Variants in WDR25 observed in about 807,000 individuals in gnomAD.
WDR25 encodes WD repeat-containing protein 25.
Under a neutral mutation model 47.7 loss-of-function variants are expected in WDR25, and 35 were observed. The ratio of observed to expected loss-of-function variants is 0.73; its 90% CI spans 0.56 to 0.97. The LOEUF (loss-of-function observed/expected upper bound fraction) is 0.97. Among genes scored for constraint, WDR25 ranks in the 50% least tolerant of loss-of-function variants. The pLI, the probability that WDR25 is intolerant of heterozygous loss-of-function variation, is 0.00. For missense variants in WDR25, 634 were observed against 704.7 expected (o/e 0.90, Z 1.14); for synonymous variants, 248 against 278.9 (o/e 0.89, Z 1.10).
rs565130636 is a variant in WDR25 at position 100,514,987 on chromosome 14, G to A, written c.1102-10883G>A. Among the ~76,000 whole-genome samples, 93 of 152,194 alleles carry A rather than the reference G, an allele frequency of 6.1e-4. No individual in the cohort carries two copies. The South Asian group carries it at 0.019, about 31-fold the overall frequency. ...ATTTATGCTAGGTAAAGAATTTGGG[G>A]TTGATGATTTTTTTCTCTTCCAGTA... On this transcript the variant is annotated intron_variant, in intron 4 of 6. Transcript: ENST00000402312.
intron 2 of WDR25, among the ~76,000 whole-genome samples, chr14:100,390,426 T>TGTGC (rs1413707045): frequency 5.3e-5 from 8 of 150,484 alleles, no homozygotes; most frequent in Admixed American, 1.3e-4. Context: ...TGTGTGTGTG[T>TGTGC]GCATGCACAC....
intron 4 of WDR25, among the ~76,000 whole-genome samples, chr14:100,489,073 C>T (rs1175543717): frequency 6.6e-6 from 1 of 152,200 alleles, no homozygotes; most frequent in Non-Finnish European, 1.5e-5. Flanking sequence ...AGGGCATGGC[C>T]CCTCTGACAA....
At chr14:100,386,874 A>G (rs887520832) in intron 2 of WDR25, among the ~76,000 whole-genome samples, 1 of 152,008 alleles carries the variant, frequency 6.6e-6, no homozygotes, top group Admixed American at 6.6e-5. Flanking sequence ...GCCTGGGTGA[A>G]AGAGCGAGAC....
chr14:100,491,157 A>G (rs181348279), intron 4 of WDR25, among the ~76,000 whole-genome samples: 53 of 152,308 alleles, frequency 3.5e-4, no homozygotes, highest in Admixed American at 6.5e-4. Context: ...TGTGTGCGCC[A>G]TGGCTCATTT....
chr14:100,479,804 T>C (rs1900139757), intron 3 of WDR25, among the ~76,000 whole-genome samples: 1 of 152,058 alleles, frequency 6.6e-6, no homozygotes, highest in Non-Finnish European at 1.5e-5. Context: ...GAGTGAACAT[T>C]CCCGCCTGAG....
At chr14:100,403,858 A>G (rs1897453271) in intron 2 of WDR25, among the ~76,000 whole-genome samples, 1 of 152,186 alleles carries the variant, frequency 6.6e-6, no homozygotes, top group Non-Finnish European at 1.5e-5. Flanking sequence ...TGCAGTGATC[A>G]ATATTCCAGT....
chr14:100,450,886 A>G (rs1899008285), intron 2 of WDR25, among the ~76,000 whole-genome samples: 1 of 152,098 alleles, frequency 6.6e-6, no homozygotes, highest in Non-Finnish European at 1.5e-5. Context: ...TGCAACCCCA[A>G]AAGCACTTCA....
chr14:100,477,022 T>C (rs1272917096), intron 3 of WDR25, among the ~76,000 whole-genome samples: 1 of 152,226 alleles, frequency 6.6e-6, no homozygotes. Flanking sequence ...ATTCCTAGTA[T>C]AGACGTTTGC....
rs57700480 is a variant in WDR25 at position 100,454,862 on chromosome 14, T to A, written c.823-13159T>A. ...AAGAGAACTGAATAGAAATTTCTGC[T>A]GCTGCACACCGCAAGGGAAACAGAG... On this transcript the variant is annotated intron_variant, in intron 2 of 6. Coordinates refer to ENST00000402312, the MANE Select transcript of WDR25 (RefSeq NM_001161476.3). The A allele has an allele frequency of 4.4e-3, 762 of 173,628 alleles. 10 individuals carry two copies. Among genetic ancestry groups the A allele is most frequent in the African/African-American group, 0.017 (716 of 42,016 alleles). 10.8% of individuals were successfully genotyped at this position (173,628 alleles called of 1,614,324 possible). A position where few individuals can be genotyped will look rare whatever the true frequency, so the allele number is the denominator to read the frequency against.
chr14:100,382,274 G>A (rs1333588271), intron 2 of WDR25: 1 of 673,534 alleles, frequency 1.5e-6, no homozygotes, highest in Non-Finnish European at 2.7e-6. Context: ...TGCTCTGGGA[G>A]CCCAACGGGA....
At position 100,402,089 on chromosome 14, in the gene WDR25, T is replaced by C. The variant is rs190553755; in HGVS notation, c.822+20343T>C. Among the ~76,000 whole-genome samples, 53 of 152,354 alleles carry C rather than the reference T, an allele frequency of 3.5e-4. 1 individual carries two copies. The highest frequency in any genetic ancestry group is 3.4e-3 in the Middle Eastern group (1 of 294). On this transcript the variant is annotated intron_variant, in intron 2 of 6. Transcript: ENST00000402312. ...GCACAGGAGGTTTTCTGAACCTTTCTTTATTGCACAAATGCTCCTGGAACA... is the reference window on the plus strand; with the variant it reads ...GCACAGGAGGTTTTCTGAACCTTTCCTTATTGCACAAATGCTCCTGGAACA...
chr14:100,446,217 C>T (rs1898827603), intron 2 of WDR25, among the ~76,000 whole-genome samples: 1 of 152,126 alleles, frequency 6.6e-6, no homozygotes. Context: ...TCACAAGTGA[C>T]ACAGAGCCAT....
chr14:100,526,783 T>TCACCACCAC (rs1555397794), intron 5 of WDR25, among the ~76,000 whole-genome samples: 25 of 248 alleles, frequency 0.1, no homozygotes, highest in Non-Finnish European at 0.13. Flanking sequence ...ACTACTATCA[T>TCACCACCAC]CACCACCATC....
At position 100,529,237 on chromosome 14, in the gene WDR25, T is replaced by G. The variant is rs2030347435; in HGVS notation, c.1413+29T>G. ...CTTCTGTCCTTGTCCCCCAGGCGAA[T>G]GCTGAGCCCCAGCCCCAAGCCTCCT... On this transcript the variant is annotated intron_variant, in intron 6 of 6. Coordinates refer to ENST00000402312, the MANE Select transcript of WDR25 (RefSeq NM_001161476.3). This position sits in a 1 kb window ranked among gnomAD's most constrained non-coding sequence, Gnocchi z 5.1. 2.5e-6 allele frequency: 4 copies of G among 1,611,952 alleles called. No individual in the cohort carries two copies. The highest frequency in any genetic ancestry group is 2.2e-5 in the South Asian group (2 of 91,068).
intron 4 of WDR25, among the ~76,000 whole-genome samples, chr14:100,494,129 GC>G (rs1313867151): frequency 6.6e-6 from 1 of 152,240 alleles, no homozygotes; most frequent in African/African-American, 2.4e-5. Context: ...TGTGATCACA[GC>G]TTACTGCAGC....
At chr14:100,496,828 C>CTTTTTTTTTTTTTTTTT (rs1226765543) in intron 4 of WDR25, among the ~76,000 whole-genome samples, 13 of 73,424 alleles carry the variant, frequency 1.8e-4, no homozygotes, top group South Asian at 6.6e-4. Context: ...TTCTTTAATT[C>CTTTTTTTTTTTTTTTTT]TTTTTTTTTT....
rs149604929 is a variant in WDR25 at position 100,381,306 on chromosome 14, C to T, written c.382C>T (p.Pro128Ser). Residue 128 changes from proline to serine, a missense_variant, in exon 2 of 7, where the codon CCC becomes TCC. Coordinates refer to ENST00000402312, the MANE Select transcript of WDR25 (RefSeq NM_001161476.3). ...GAGCCATGTTCCAGCCAGCCACATG[C>T]CCCTGGCAGCTGCCCGCTTTAAGCA... ...WTSHVPASHM[P>S]LAAARFKQVK... The T allele has an allele frequency of 8.3e-5, 134 of 1,614,090 alleles. No individual in the cohort carries two copies. The highest frequency in any genetic ancestry group is 1.0e-4 in the Non-Finnish European group (120 of 1,180,050).
In WDR25 at chr14:100,405,168, C is replaced by CTTTTTTTTTTTTT. The variant is rs35414565; in HGVS notation, c.822+23432_822+23433insTTTTTTTTTTTTT. Among the ~76,000 whole-genome samples, 216 of 146,298 alleles carry CTTTTTTTTTTTTT rather than the reference C, an allele frequency of 1.5e-3. 3 individuals are homozygous for CTTTTTTTTTTTTT. The highest frequency in any genetic ancestry group is 5.4e-3 in the African/African-American group (205 of 38,094). On this transcript the variant is annotated intron_variant, in intron 2 of 6. Transcript: ENST00000402312. ...CCTAGGAATCCTCTCTCTGCCCCAT[C>CTTTTTTTTTTTTT]TTTTTTTTTTGAGATGGAGTTTTGC...
intron 2 of WDR25, among the ~76,000 whole-genome samples, chr14:100,446,299 A>G (rs1898829862): frequency 6.6e-6 from 1 of 152,212 alleles, no homozygotes; most frequent in African/African-American, 2.4e-5. Flanking sequence ...TCATGCCTGT[A>G]ATCCTAGCAC....
Sources: allele counts gnomAD v4.1 joint callset (sites outside exome capture counted in the v4.1 genomes callset), GRCh38; gene constraint gnomAD v4.1.1; non-coding constraint Gnocchi (gnomAD v3.1); transcripts MANE v1.5; gene names NCBI Gene and HGNC (gene_info 2026-07-23, HGNC 2026-07-21).